Variants in TTLL6 observed in about 807,000 individuals in gnomAD.
TTLL6 encodes the protein tubulin tyrosine ligase like 6, also known as tubulin polyglutamylase TTLL6.
Under a neutral mutation model 96.4 loss-of-function variants are expected in TTLL6, and 75 were observed. The ratio of observed to expected loss-of-function variants is 0.78; its 90% CI spans 0.65 to 0.94. TTLL6 has a LOEUF of 0.94. TTLL6 is among the 40% of genes least tolerant of loss of function. The pLI is 0.00. For synonymous variants in TTLL6, 411 were observed against 419.4 expected (o/e 0.98, Z 0.24); for missense variants, 1,030 against 1,093.0 (o/e 0.94, Z 0.81).
At chr17:48,768,522 G>A (rs890106377) in intron 15 of TTLL6, among the ~76,000 whole-genome samples, 8 of 151,888 alleles carry the variant, frequency 5.3e-5, no homozygotes, top group African/African-American at 9.7e-5. Flanking sequence ...CACCCACCTC[G>A]GCCTCCCAAA....
chr17:48,787,716 TG>T, intron 11 of TTLL6, 94 bp downstream of exon 11: 2 of 1,293,354 alleles, frequency 1.5e-6, no homozygotes, highest in South Asian at 1.4e-5. Context: ...CTTTCATGGC[TG>T]GGGACTCTCC....
intron 1 of TTLL6, among the ~76,000 whole-genome samples, chr17:48,811,581 A>G (rs2039592926): frequency 6.6e-6 from 1 of 151,890 alleles, no homozygotes; most frequent in South Asian, 2.1e-4. Flanking sequence ...CATTTAAACT[A>G]TATGCCTGAC....
At chr17:48,803,008 T>C (rs1395547799) in intron 3 of TTLL6, among the ~76,000 whole-genome samples, 1 of 151,120 alleles carries the variant, frequency 6.6e-6, no homozygotes, top group African/African-American at 2.4e-5. Context: ...CCATCTCTAC[T>C]AAAACTACAA....
chr17:48,798,538 G>C (rs1246635018), intron 6 of TTLL6, among the ~76,000 whole-genome samples: 1 of 152,080 alleles, frequency 6.6e-6, no homozygotes, highest in Non-Finnish European at 1.5e-5. Context: ...CTGCACTCCA[G>C]CCTGAGCAAC....
chr17:48,797,267 A>G, intron 6 of TTLL6, 63 bp from the exon 7 acceptor site: 1 of 1,486,926 alleles, frequency 6.7e-7, no homozygotes, highest in South Asian at 1.3e-5. Context: ...GAAAATCACT[A>G]GCTCCCGCCT....
intron 2 of TTLL6, 150 bp from the exon 3 acceptor site, chr17:48,804,078 A>T: frequency 1.3e-6 from 1 of 792,574 alleles, no homozygotes; most frequent in Middle Eastern, 3.2e-4. Context: ...GTTGCTGAGG[A>T]CACGAGTCCA....
chr17:48,799,413 AACAG>A (rs1368223697), intron 6 of TTLL6, among the ~76,000 whole-genome samples, 187 bp downstream of exon 6: 43 of 152,364 alleles, frequency 2.8e-4, no homozygotes, highest in African/African-American at 1.0e-3. Context: ...GTAAAAGGAT[AACAG>A]ACACTCTGGC....
At chr17:48,767,492 T>A (rs1567712901) in intron 15 of TTLL6, among the ~76,000 whole-genome samples, 1 of 152,192 alleles carries the variant, frequency 6.6e-6, no homozygotes, top group Non-Finnish European at 1.5e-5. Flanking sequence ...CCCTGGAATA[T>A]GCATTTTTAC....
intron 10 of TTLL6, 79 bp downstream of exon 10, chr17:48,789,852 C>G: frequency 6.8e-7 from 1 of 1,465,182 alleles, no homozygotes; most frequent in South Asian, 1.4e-5. Flanking sequence ...CCACTGCACC[C>G]GGCCCAGGAC....
Position 48,762,878 on chromosome 17 carries a change from G to C in TTLL6, c.*96C>G, listed in dbSNP as rs2038515546. On this transcript the variant is annotated 3_prime_UTR_variant, in exon 16 of 16. Coordinates refer to ENST00000393382, the MANE Select transcript of TTLL6 (RefSeq NM_001130918.3). ...TAGATGAGCAAACAAAACTTCAGTT[G>C]ATTCTGTGAACACTGGAGACACTGT... 1 of 453,190 alleles carries C rather than the reference G, an allele frequency of 2.2e-6. No homozygotes were observed. The highest frequency in any genetic ancestry group is 2.0e-5 in the African/African-American group (1 of 49,772). The allele number at this position is 453,190 out of a possible 1,614,324, so 28.1% of individuals were successfully genotyped here.
Position 48,785,172 on chromosome 17 carries a change from G to T in TTLL6, c.1791C>A (p.Tyr597Ter), listed in dbSNP as rs1310756276. ...TGACACTCAAGAGCAAGTCAGGTGT[G>T]TAGGATACTAATGTCAATGGCTGGA... ...QYIQPLTLVS[Y>*]TPDLLLSVRG... Residue 597 changes from tyrosine (Y) to a stop codon, truncating the protein, a stop_gained, in exon 13 of 16, where the codon TAC becomes TAA. Transcript: ENST00000393382. LOFTEE classifies it high-confidence loss of function. 1.2e-6 allele frequency: 2 copies of T among 1,614,078 alleles called. No homozygotes were observed. The highest frequency in any genetic ancestry group is 4.5e-5 in the East Asian group (2 of 44,882).
In TTLL6 at chr17:48,762,778, C is replaced by A; in HGVS notation, c.*196G>T. ...AATCATGGTCCTGTAGCACTGTAAG[C>A]TAACTGGGAGGGAACAGAGGCAGGG... On this transcript the variant is annotated 3_prime_UTR_variant, in exon 16 of 16. Coordinates refer to ENST00000393382, the MANE Select transcript of TTLL6 (RefSeq NM_001130918.3). The A allele has an allele frequency of 2.6e-6, 1 of 383,468 alleles. No homozygotes were observed. The highest frequency in any genetic ancestry group is 2.0e-5 in the South Asian group (1 of 50,152). 23.8% of individuals were successfully genotyped at this position (383,468 alleles called of 1,614,324 possible). A position where few individuals can be genotyped will look rare whatever the true frequency, so the allele number is the denominator to read the frequency against.
At chr17:48,774,096 C>CAAAAAAAAAAAAAAAAA (rs1286139436) in intron 13 of TTLL6, among the ~76,000 whole-genome samples, 5 of 44,214 alleles carry the variant, frequency 1.1e-4, no homozygotes, top group East Asian at 8.2e-4. Context: ...AAAAACAAAA[C>CAAAAAAAAAAAAAAAAA]AAAAAAAAAA....
At chr17:48,795,609 A>G (rs2039302706) in intron 8 of TTLL6, among the ~76,000 whole-genome samples, 1 of 152,190 alleles carries the variant, frequency 6.6e-6, no homozygotes, top group Admixed American at 6.5e-5. Flanking sequence ...CCGGCTAGCC[A>G]CATGTCAGGG....
chr17:48,789,887 G>A (rs773099715), intron 10 of TTLL6, 44 bp downstream of exon 10: 2 of 1,598,612 alleles, frequency 1.3e-6, no homozygotes, highest in East Asian at 4.5e-5. Flanking sequence ...GGGAGCAGGG[G>A]AGTCAGAGAG....
chr17:48,788,436 C>CA (rs2039151311), intron 10 of TTLL6, among the ~76,000 whole-genome samples: 1 of 152,238 alleles, frequency 6.6e-6, no homozygotes, highest in Admixed American at 6.5e-5. Flanking sequence ...TTCTTCCTCA[C>CA]AGCCCCCTGG....
At position 48,790,067 on chromosome 17, in the gene TTLL6, C is replaced by T. The variant is rs759548315; in HGVS notation, c.1264G>A (p.Asp422Asn). 2.5e-6 allele frequency: 4 copies of T among 1,614,098 alleles called. No homozygotes were observed. The highest frequency in any genetic ancestry group is 3.4e-6 in the Non-Finnish European group (4 of 1,179,990). ...SPSFSTDSRL[D>N]KEVKDGLLYD... ...AGCAGACCATCTTTCACCTCTTTAT[C>T]CAACCGAGAGTCGGTGGAGAAGCTT... is the stretch of plus-strand genomic sequence containing the variant. Residue 422 changes from aspartate (D) to asparagine (N), a missense_variant, in exon 10 of 16, where the codon GAT becomes AAT. Asp to Asn is a conservative substitution (Grantham distance 23). Transcript: ENST00000393382.
intron 12 of TTLL6, 88 bp from the exon 13 acceptor site, chr17:48,785,289 AAG>A (rs1423354973): frequency 1.2e-5 from 19 of 1,570,784 alleles, no homozygotes; most frequent in Non-Finnish European, 1.6e-5. Context: ...GTAGGTGAAA[AAG>A]AGATGAGGAG....
intron 14 of TTLL6, 151 bp downstream of exon 14, chr17:48,769,577 G>C (rs1597957340): frequency 3.1e-6 from 3 of 959,054 alleles, no homozygotes; most frequent in East Asian, 4.8e-5. Flanking sequence ...TAATGGTATG[G>C]ACTGTGTCTC....
Sources: gnomAD v4.1 joint callset for allele counts (sites outside exome capture counted in the v4.1 genomes callset) on GRCh38, gnomAD v4.1.1 for gene constraint, MANE v1.5 for transcripts, NCBI Gene and HGNC (gene_info 2026-07-23, HGNC 2026-07-21) for gene names.